The following ASAH2 variants were observed in gnomAD, a reference collection of about 807,000 sequenced individuals.
ASAH2 encodes the protein N-acylsphingosine amidohydrolase 2, also known as neutral ceramidase.
A neutral mutation model predicts 82.9 loss-of-function variants in ASAH2; 58 were observed. The observed-to-expected ratio is 0.70, with a 90% CI of 0.57 to 0.87. ASAH2 has a LOEUF of 0.87. Among genes scored for constraint, ASAH2 ranks in the 40% least tolerant of loss-of-function variants. The pLI is 0.00. For missense variants in ASAH2, 779 were observed against 834.0 expected (o/e 0.93, Z 0.81); for synonymous variants, 276 against 289.7 (o/e 0.95, Z 0.48).
chr10:50,218,012 C>G (rs1845650702), intron 8 of ASAH2, among the ~76,000 whole-genome samples: 1 of 152,138 alleles, frequency 6.6e-6, no homozygotes, highest in African/African-American at 2.4e-5. Flanking sequence ...GTAATTTCAG[C>G]TACTCAGGAG....
At chr10:50,225,810 G>C (rs1206725063) in intron 7 of ASAH2, among the ~76,000 whole-genome samples, 1 of 152,158 alleles carries the variant, frequency 6.6e-6, no homozygotes. Context: ...CTTATCATAG[G>C]CCGGATGTGG....
At chr10:50,243,467 A>T (rs1846363378) in intron 3 of ASAH2, 116 bp from the exon 4 acceptor site, 1 of 1,141,058 alleles carries the variant, frequency 8.8e-7, no homozygotes, top group Admixed American at 2.7e-5. Flanking sequence ...TCCACATGAC[A>T]TGGTGGCTCT....
At chr10:50,200,960 C>A (rs909354231) in intron 16 of ASAH2, among the ~76,000 whole-genome samples, 4 of 151,954 alleles carry the variant, frequency 2.6e-5, no homozygotes, top group Non-Finnish European at 4.4e-5. Context: ...CACTACGCCC[C>A]CCTATCCTGT....
In ASAH2 at chr10:50,245,575, A is replaced by T. The variant is rs530110148; in HGVS notation, c.128-121T>A. 3 of 846,884 alleles carry T rather than the reference A, an allele frequency of 3.5e-6. No individual in the cohort carries two copies. The African/African-American group carries it at 5.2e-5, about 15-fold the overall frequency. The allele number at this position is 846,884 out of a possible 1,614,324, so 52.5% of individuals were successfully genotyped here. On this transcript the variant is annotated intron_variant, in intron 2 of 20. Transcript: ENST00000682911. ...AAACTCTTTATATATTTTCTTATAC[A>T]TAAAAATATATAGACAGGAACAGCT...
rs755559730 is a variant in ASAH2 at position 50,218,632 on chromosome 10, T to C, written c.894-2A>G. 3.1e-6 allele frequency: 5 copies of C among 1,613,634 alleles called. No individual in the cohort carries two copies. Among genetic ancestry groups the C allele is most frequent in the Non-Finnish European group, 4.2e-6 (5 of 1,179,704 alleles). ...CTGACCGGGTGGATGGCAAACCAGCTGTAAAAGAGCAAGAAGCTCTAAATT... is the reference window on the plus strand; with the variant it reads ...CTGACCGGGTGGATGGCAAACCAGCCGTAAAAGAGCAAGAAGCTCTAAATT... On this transcript the variant is annotated splice_acceptor_variant, in intron 7 of 20. Coordinates refer to ENST00000682911, the MANE Select transcript of ASAH2 (RefSeq NM_019893.4). LOFTEE classifies it high-confidence loss of function.
At chr10:50,206,487 A>G (rs1158629879) in intron 12 of ASAH2, among the ~76,000 whole-genome samples, 5 of 149,228 alleles carry the variant, frequency 3.4e-5, no homozygotes, top group African/African-American at 1.2e-4. Context: ...TCACAATACC[A>G]GTTGTCTGAC....
chr10:50,206,035 C>G lies in ASAH2; in HGVS notation c.1477G>C (p.Glu493Gln), dbSNP rs2133202982. 2.5e-6 allele frequency: 4 copies of G among 1,612,650 alleles called. No individual in the cohort carries two copies. In the East Asian group the frequency reaches 8.9e-5, roughly 36 times the overall value. The change falls in exon 13 of 21, where the codon GAA (glutamate) becomes CAA (glutamine). Residue 493 changes from glutamate (E) to glutamine (Q), a missense_variant. Glu to Gln is a conservative substitution (Grantham distance 29). This residue lies in a region of ASAH2 where 759 missense variants were observed against 755.2 expected (regional missense o/e 1.00). Transcript: ENST00000682911. The stretch of plus-strand genomic sequence containing the variant: ...GGTTTATGACATTCTTTAATTTCTT[C>G]AGATGGCTTTCCCAGGATCTGGTCC... ...IRDQILGKPSEEIKECHKPKP... is the reference protein window; with the variant it reads ...IRDQILGKPSQEIKECHKPKP...
At chr10:50,223,039 G>A (rs1799868773) in intron 7 of ASAH2, among the ~76,000 whole-genome samples, 1 of 152,170 alleles carries the variant, frequency 6.6e-6, no homozygotes, top group African/African-American at 2.4e-5. Flanking sequence ...TCAGCATGAT[G>A]TAATTAAAAA....
Position 50,233,235 on chromosome 10 carries a change from A to C in ASAH2, c.842T>G (p.Met281Arg). The C allele has an allele frequency of 1.2e-6, 2 of 1,611,882 alleles. No individual in the cohort carries two copies. The highest frequency in any genetic ancestry group is 1.7e-6 in the Non-Finnish European group (2 of 1,178,216). The change falls in exon 7 of 21, where the codon ATG (methionine) becomes AGG (arginine). Residue 281 changes from methionine to arginine, a missense_variant. Met to Arg is a moderately conservative substitution (Grantham distance 91, BLOSUM62 -1). Transcript: ENST00000682911. ...CAAATCTACCATTTTCAAAACTATCATTTCCTTGTCTGTATTTGAAGAATA... is the reference window on the plus strand; with the variant it reads ...CAAATCTACCATTTTCAAAACTATCCTTTCCTTGTCTGTATTTGAAGAATA... ...ARYSSNTDKEMIVLKMVDLNG... is the reference protein window; with the variant it reads ...ARYSSNTDKERIVLKMVDLNG...
chr10:50,220,279 A>G (rs1424826817), intron 7 of ASAH2, among the ~76,000 whole-genome samples: 1 of 152,198 alleles, frequency 6.6e-6, no homozygotes, highest in Non-Finnish European at 1.5e-5. Flanking sequence ...ATGAAGATAA[A>G]TACTGAAATA....
At chr10:50,211,541 G>T (rs1845454223) in intron 10 of ASAH2, among the ~76,000 whole-genome samples, 1 of 152,110 alleles carries the variant, frequency 6.6e-6, no homozygotes, top group Admixed American at 6.6e-5. Flanking sequence ...CTTGAGTCCT[G>T]CAGCAGGTTG....
chr10:50,204,855 A>G lies in ASAH2; in HGVS notation c.1625+6T>C. 1 of 1,594,592 alleles carries G rather than the reference A, an allele frequency of 6.3e-7. No individual in the cohort carries two copies. Among genetic ancestry groups the G allele is most frequent in the Non-Finnish European group, 8.6e-7 (1 of 1,165,010 alleles). ...TTTTAACTAAGTAATAAAAAGAAAAACTTACGTAAACTCCCCGGGGATGGC... is the reference window on the plus strand; with the variant it reads ...TTTTAACTAAGTAATAAAAAGAAAAGCTTACGTAAACTCCCCGGGGATGGC... On this transcript the variant is annotated splice_donor_region_variant and intron_variant, in intron 14 of 20. Transcript: ENST00000682911.
At chr10:50,204,153 T>C (rs1845231570) in intron 14 of ASAH2, among the ~76,000 whole-genome samples, 1 of 151,922 alleles carries the variant, frequency 6.6e-6, no homozygotes, top group Non-Finnish European at 1.5e-5. Context: ...TTACCTGGAA[T>C]GAAATGAGAA....
chr10:50,218,875 G>A (rs1225438484), intron 7 of ASAH2, among the ~76,000 whole-genome samples: 1 of 151,926 alleles, frequency 6.6e-6, no homozygotes, highest in African/African-American at 2.4e-5. Flanking sequence ...TTCATCATTG[G>A]CATCATCATT....
In ASAH2 at chr10:50,185,011, G is replaced by A. The variant is rs1313941632; in HGVS notation, c.*2304C>T. 6.6e-6 allele frequency: 1 copy of A among 151,298 alleles called. No homozygotes were observed. Among genetic ancestry groups the A allele is most frequent in the African/African-American group, 2.4e-5 (1 of 41,202 alleles). 9.4% of individuals were successfully genotyped at this position (151,298 alleles called of 1,614,324 possible). A position where few individuals can be genotyped will look rare whatever the true frequency, so the allele number is the denominator to read the frequency against. On this transcript the variant is annotated 3_prime_UTR_variant, in exon 21 of 21. Transcript: ENST00000682911. ...AAATCCTTAAAACCAGAGTAGGCAG[G>A]GTACAGCAAATAAAATGCAGACATT... is the stretch of plus-strand genomic sequence containing the variant.
intron 20 of ASAH2, among the ~76,000 whole-genome samples, chr10:50,189,080 T>C (rs935068886): frequency 3.4e-5 from 5 of 146,266 alleles, no homozygotes; most frequent in African/African-American, 5.4e-5. Flanking sequence ...ATTGATCATA[T>C]ACAAACATGC....
At chr10:50,216,751 G>A (rs1205621605) in intron 8 of ASAH2, among the ~76,000 whole-genome samples, 1 of 152,034 alleles carries the variant, frequency 6.6e-6, no homozygotes, top group East Asian at 1.9e-4. Flanking sequence ...TACCTTAAAT[G>A]GCTCTAATTT....
intron 7 of ASAH2, among the ~76,000 whole-genome samples, chr10:50,229,186 G>C (rs2133221405): frequency 6.6e-6 from 1 of 152,160 alleles, no homozygotes; most frequent in South Asian, 2.1e-4. Flanking sequence ...TCAAGGTTCT[G>C]TTTATTTTCC....
intron 2 of ASAH2, 103 bp downstream of exon 2, chr10:50,248,381 G>T: frequency 1.4e-6 from 2 of 1,410,002 alleles, no homozygotes; most frequent in Non-Finnish European, 1.9e-6. Flanking sequence ...TTAAGTACAC[G>T]TAGAACTATC....
Sources: allele counts gnomAD v4.1 joint callset (sites outside exome capture counted in the v4.1 genomes callset), GRCh38; gene constraint gnomAD v4.1.1; regional missense constraint gnomAD v4.1.1; transcripts MANE v1.5; gene names NCBI Gene and HGNC (gene_info 2026-07-23, HGNC 2026-07-21).